DIABLO: variants seen among roughly 807,000 people sequenced by gnomAD.
DIABLO encodes diablo homolog, mitochondrial.
A neutral mutation model predicts 31.7 loss-of-function variants in DIABLO; 32 were observed. The ratio of observed to expected loss-of-function variants is 1.01; its 90% CI spans 0.76 to 1.35. DIABLO has a LOEUF of 1.35. DIABLO is among the 40% of genes most tolerant of loss of function. The pLI, the probability that DIABLO is intolerant of heterozygous loss-of-function variation, is 0.00. For synonymous variants in DIABLO, 132 were observed against 103.2 expected (o/e 1.28, Z -1.69); for missense variants, 316 against 286.4 (o/e 1.10, Z -0.75).
Position 122,208,526 on chromosome 12 carries a change from A to T in DIABLO, c.575T>A (p.Leu192Gln). The T allele has an allele frequency of 6.2e-7, 1 of 1,614,018 alleles. No homozygotes were observed. The highest frequency in any genetic ancestry group is 8.5e-7 in the Non-Finnish European group (1 of 1,180,024). Residue 192 changes from leucine to glutamine, a missense_variant, in exon 6 of 6, where the codon CTG becomes CAG. Physicochemically the swap from Leu to Gln is moderately radical, Grantham distance 113. Transcript: ENST00000464942. The part of the protein sequence containing the change: ...TARNHIQLVK[L>Q]QVEEVHQLSR... ...GAGCTGGTGCACCTCTTCCACCTGC[A>T]GTTTCACCAGCTGAATGTGATTCCT...
rs774660045 is a variant in DIABLO, at chr12:122,208,378, C to G, written c.*3G>C. 7.0e-5 allele frequency: 113 copies of G among 1,611,644 alleles called. No individual in the cohort carries two copies. The highest frequency in any genetic ancestry group is 9.3e-5 in the Non-Finnish European group (110 of 1,180,016). ...GGGGAGACAGGGCAGTGTGCTCAGG[C>G]CCTCAATCCTCACGCAGGTAGGCCT... On this transcript the variant is annotated 3_prime_UTR_variant, in exon 6 of 6. Coordinates refer to ENST00000464942, the MANE Select transcript of DIABLO (RefSeq NM_001371333.1).
At chr12:122,221,513 A>C (rs961274365) in intron 2 of DIABLO, 1 of 152,064 alleles carries the variant, frequency 6.6e-6, no homozygotes, top group African/African-American at 2.4e-5. Context: ...AAATCAAATC[A>C]TCCTCCTGCC....
chr12:122,226,217 C>T (rs939283309), upstream of DIABLO: 7 of 830,820 alleles, frequency 8.4e-6, no homozygotes, highest in Non-Finnish European at 1.4e-5. Flanking sequence ...AACCAACCGC[C>T]GGAACTTCCG....
At chr12:122,209,430 G>A (rs55900127) in intron 5 of DIABLO, among the ~76,000 whole-genome samples, 5 of 151,800 alleles carry the variant, frequency 3.3e-5, no homozygotes, top group South Asian at 4.1e-4. Flanking sequence ...TTGGGATGCC[G>A]AGGTGGGTGG....
chr12:122,214,510 TG>T (rs1954161375), intron 5 of DIABLO, among the ~76,000 whole-genome samples: 1 of 151,970 alleles, frequency 6.6e-6, no homozygotes, highest in Non-Finnish European at 1.5e-5. Flanking sequence ...ACTGCAGCCT[TG>T]AGCTCCTGGG....
chr12:122,210,303 T>C (rs1282961772), intron 5 of DIABLO, among the ~76,000 whole-genome samples: 1 of 151,802 alleles, frequency 6.6e-6, no homozygotes, highest in Non-Finnish European at 1.5e-5. Flanking sequence ...GATAAAACTC[T>C]CCCACGAAAC....
At chr12:122,216,002 T>C (rs1188524172) in intron 5 of DIABLO, among the ~76,000 whole-genome samples, 1 of 151,096 alleles carries the variant, frequency 6.6e-6, no homozygotes, top group Non-Finnish European at 1.5e-5. Flanking sequence ...TTTCTTCACA[T>C]ATAAAAAGTG....
At chr12:122,209,622 G>A (rs530174136) in intron 5 of DIABLO, 15 of 624,996 alleles carry the variant, frequency 2.4e-5, no homozygotes, top group African/African-American at 3.7e-5. Context: ...CTGAGATCGC[G>A]CCACTTCACT....
At chr12:122,216,626 C>T (rs1954218099) in intron 4 of DIABLO, 42 bp from the exon 5 acceptor site, 11 of 1,594,186 alleles carry the variant, frequency 6.9e-6, no homozygotes, top group Non-Finnish European at 9.5e-6. Flanking sequence ...CATAAGAGGT[C>T]TAGCCCATTT....
At position 122,225,588 on chromosome 12, in the gene DIABLO, G is replaced by A. The variant is rs1442040595; in HGVS notation, c.50+377C>T. ...AGCTCCCCCGGCCCCTTCTGCCCTC[G>A]GGAGGACGTCTTCAGACGCTCGTCT... On this transcript the variant is annotated intron_variant, in intron 1 of 5. Transcript: ENST00000464942. 4.2e-6 allele frequency: 5 copies of A among 1,198,634 alleles called. No individual in the cohort carries two copies. In the East Asian group the frequency reaches 2.2e-4, roughly 52 times the overall value. The allele number at this position is 1,198,634 out of a possible 1,614,324, so 74.2% of individuals were successfully genotyped here.
At chr12:122,224,735 A>G in intron 1 of DIABLO, 91 bp from the exon 2 acceptor site, 1 of 1,611,906 alleles carries the variant, frequency 6.2e-7, no homozygotes, top group Non-Finnish European at 8.5e-7. Flanking sequence ...CTCAAACTCG[A>G]GCCAAGCAGG....
upstream of DIABLO, chr12:122,226,300 A>T (rs751358863): frequency 5.9e-6 from 4 of 672,884 alleles, no homozygotes; most frequent in South Asian, 3.1e-5. Context: ...GGGCGCCGTG[A>T]CGCTGGCGGG....
intron 2 of DIABLO, among the ~76,000 whole-genome samples, chr12:122,224,073 T>A (rs1243503993): frequency 6.6e-6 from 1 of 152,226 alleles, no homozygotes; most frequent in Non-Finnish European, 1.5e-5. Context: ...GCCCTGGGCA[T>A]CAGCCACTGT....
chr12:122,224,845 T>C (rs545462864), intron 1 of DIABLO: 3 of 1,494,114 alleles, frequency 2.0e-6, no homozygotes, highest in East Asian at 5.3e-5. Flanking sequence ...GGCTCACGCC[T>C]GTAATCCTAG....
chr12:122,225,787 C>T (rs1954450548), intron 1 of DIABLO, 178 bp downstream of exon 1: 3 of 1,455,754 alleles, frequency 2.1e-6, no homozygotes, highest in South Asian at 2.8e-5. Context: ...CGGGCTTGAC[C>T]CAGGGGGCGG....
chr12:122,219,672 T>A (rs1325504950), intron 2 of DIABLO, among the ~76,000 whole-genome samples: 2 of 150,814 alleles, frequency 1.3e-5, no homozygotes, highest in African/African-American at 4.9e-5. Context: ...CTGGCCAACA[T>A]GGCGAAACCC....
chr12:122,221,677 A>G (rs60425908), intron 2 of DIABLO: 18,146 of 152,168 alleles, frequency 0.12, 3,236 homozygotes, highest in African/African-American at 0.39. Context: ...GGATTACAAG[A>G]GAGAGCCATC....
chr12:122,214,739 G>C (rs1372388625), intron 5 of DIABLO, among the ~76,000 whole-genome samples: 1 of 151,802 alleles, frequency 6.6e-6, no homozygotes, highest in Non-Finnish European at 1.5e-5. Context: ...TCTTGAGACA[G>C]AGTCTTGCTC....
upstream of DIABLO, chr12:122,226,593 G>C: frequency 1.5e-6 from 1 of 688,318 alleles, no homozygotes; most frequent in Non-Finnish European, 2.6e-6. Flanking sequence ...CAGGACGGTC[G>C]GCGGCCTGCC....
Sources: gnomAD v4.1 joint callset for allele counts (sites outside exome capture counted in the v4.1 genomes callset) on GRCh38, gnomAD v4.1.1 for gene constraint, MANE v1.5 for transcripts, NCBI Gene and HGNC (gene_info 2026-07-23, HGNC 2026-07-21) for gene names.